KCNQ1: variants seen among roughly 807,000 people sequenced by gnomAD.
The protein encoded by KCNQ1 is potassium voltage-gated channel subfamily Q member 1.
In KCNQ1, 49 loss-of-function variants were observed where a neutral mutation model predicts 72.4. That is an observed-to-expected ratio of 0.68 (90% CI 0.54 to 0.86). The LOEUF (loss-of-function observed/expected upper bound fraction) is 0.86. Ranked by LOEUF, KCNQ1 falls within the 40% of genes least tolerant of loss-of-function variation. KCNQ1 has a pLI of 0.00. For synonymous variants in KCNQ1, 450 were observed against 412.6 expected (o/e 1.09, Z -1.10); for missense variants, 790 against 945.1 (o/e 0.84, Z 2.15).
intron 2 of KCNQ1, among the ~76,000 whole-genome samples, chr11:2,553,934 C>T (rs2133697954): frequency 6.6e-6 from 1 of 152,310 alleles, no homozygotes; most frequent in African/African-American, 2.4e-5. Context: ...CCAGGGTGGT[C>T]TTGAACTCCT....
Position 2,642,886 on chromosome 11 carries a change from A to T in KCNQ1, c.1394-19075A>T, listed in dbSNP as rs1187140954. The T allele has an allele frequency of 2.5e-6, 1 of 397,652 alleles. No homozygotes were observed. The highest frequency in any genetic ancestry group is 4.4e-6 in the Non-Finnish European group (1 of 225,658). 24.6% of individuals were successfully genotyped at this position (397,652 alleles called of 1,614,324 possible). A position where few individuals can be genotyped will look rare whatever the true frequency, so the allele number is the denominator to read the frequency against. On this transcript the variant is annotated intron_variant, in intron 10 of 15. Transcript: ENST00000155840. This position sits in a 1 kb window ranked among gnomAD's most constrained non-coding sequence, Gnocchi z 4.3. ...CTTCTATTTTCACTTGTTTCAGTAA[A>T]TTTTTTATTTCTGCCTTAATTTCTT...
intron 6 of KCNQ1, among the ~76,000 whole-genome samples, chr11:2,575,373 C>A (rs1304505603): frequency 2.0e-5 from 3 of 152,194 alleles, no homozygotes; most frequent in Non-Finnish European, 4.4e-5. Context: ...CTGGGCCCCC[C>A]ACCGCCCAGG....
Position 2,723,186 on chromosome 11 carries a change from T to C in KCNQ1, c.1515-45658T>C, listed in dbSNP as rs1008366400. On this transcript the variant is annotated intron_variant, in intron 11 of 15. Coordinates refer to ENST00000155840, the MANE Select transcript of KCNQ1 (RefSeq NM_000218.3). The surrounding 1 kb of genome is among the most constrained non-coding windows in gnomAD (Gnocchi z 4.2). ...CCGTGGTGGCCTGAGAGGGGTGTGGTGCTGCTTGTCCGTGGTGCTCCACAC... is the reference window on the plus strand; with the variant it reads ...CCGTGGTGGCCTGAGAGGGGTGTGGCGCTGCTTGTCCGTGGTGCTCCACAC... Among the ~76,000 whole-genome samples the C allele has an allele frequency of 6.6e-6, 1 of 152,224 alleles. No individual in the cohort carries two copies. The highest frequency in any genetic ancestry group is 2.4e-5 in the African/African-American group (1 of 41,456).
chr11:2,460,192 A>G (rs1846254447), intron 1 of KCNQ1, among the ~76,000 whole-genome samples: 1 of 152,102 alleles, frequency 6.6e-6, no homozygotes, highest in South Asian at 2.1e-4. Flanking sequence ...AGCTGGGGGC[A>G]GGACTCCGGG....
rs559703771 is a variant in KCNQ1, at chr11:2,482,335, C to T, written c.386+36851C>T. ...GCAGACATGTCTCACATCTGTTCTT[C>T]CTCCAAATGTGACCTTTCAATGGCT... On this transcript the variant is annotated intron_variant, in intron 1 of 15. Coordinates refer to ENST00000155840, the MANE Select transcript of KCNQ1 (RefSeq NM_000218.3). This position sits in a 1 kb window ranked among gnomAD's most constrained non-coding sequence, Gnocchi z 5.7. 1.7e-4 allele frequency among the ~76,000 whole-genome samples: 26 copies of T among 152,258 alleles called. No homozygotes were observed. In the South Asian group the frequency reaches 5.4e-3, roughly 32 times the overall value.
At chr11:2,790,049 G>C (rs759947999) in intron 15 of KCNQ1, among the ~76,000 whole-genome samples, 1 of 152,162 alleles carries the variant, frequency 6.6e-6, no homozygotes, top group South Asian at 2.1e-4. Context: ...GGACTTGGAG[G>C]GGATCATATC....
At chr11:2,688,882 G>C in intron 11 of KCNQ1, 1 of 399,020 alleles carries the variant, frequency 2.5e-6, no homozygotes, top group Non-Finnish European at 4.4e-6. Context: ...AGCAAGGTCA[G>C]GTTGGAAGCT....
Position 2,567,786 on chromosome 11 carries a change from A to G in KCNQ1, c.478-2842A>G, listed in dbSNP as rs1017545828. On this transcript the variant is annotated intron_variant, in intron 2 of 15. Coordinates refer to ENST00000155840, the MANE Select transcript of KCNQ1 (RefSeq NM_000218.3). The surrounding 1 kb of genome is among the most constrained non-coding windows in gnomAD (Gnocchi z 6.6). ...TTGTCCCACAGGCAGGAGTCCTGCC[A>G]TCTTCGAAGGCCAGCCCCTAAACAG... Among the ~76,000 whole-genome samples the G allele has an allele frequency of 1.3e-5, 2 of 152,226 alleles. No homozygotes were observed. The highest frequency in any genetic ancestry group is 2.4e-5 in the African/African-American group (1 of 41,454).
chr11:2,770,515 G>A (rs755447836), intron 12 of KCNQ1, among the ~76,000 whole-genome samples: 82 of 152,302 alleles, frequency 5.4e-4, no homozygotes, highest in Non-Finnish European at 9.7e-4. Flanking sequence ...GGGGGGTTTC[G>A]CATGCACAGC....
At position 2,703,320 on chromosome 11, in the gene KCNQ1, G is replaced by A. The variant is rs1405040616; in HGVS notation, c.1514+41239G>A. On this transcript the variant is annotated intron_variant, in intron 11 of 15. Coordinates refer to ENST00000155840, the MANE Select transcript of KCNQ1 (RefSeq NM_000218.3). The surrounding 1 kb of genome is among the most constrained non-coding windows in gnomAD (Gnocchi z 6.4). ...GTGAGACAGAGAGCCTGGGCACCTG[G>A]TGGCCACTCCCTGAGCTCCCCACGT... Among the ~76,000 whole-genome samples the A allele has an allele frequency of 1.3e-5, 2 of 152,176 alleles. No individual in the cohort carries two copies. The highest frequency in any genetic ancestry group is 2.9e-5 in the Non-Finnish European group (2 of 68,026).
At chr11:2,583,613 C>A in intron 7 of KCNQ1, 68 bp downstream of exon 7, 2 of 1,083,714 alleles carry the variant, frequency 1.8e-6, no homozygotes, top group Non-Finnish European at 2.9e-6. Context: ...GGCTGCACGC[C>A]CCTCCCTGTG....
At chr11:2,814,380 TGGAG>T (rs949839786) in intron 15 of KCNQ1, among the ~76,000 whole-genome samples, 21 of 147,842 alleles carry the variant, frequency 1.4e-4, no homozygotes, top group African/African-American at 5.1e-4. Flanking sequence ...GATAGATAAA[TGGAG>T]GGAAGGAGAG....
rs1205859326 is a variant in KCNQ1, at chr11:2,664,927, G to A, written c.1514+2846G>A. 2.5e-6 allele frequency: 1 copy of A among 398,462 alleles called. No homozygotes were observed. Among genetic ancestry groups the A allele is most frequent in the African/African-American group, 2.1e-5 (1 of 48,600 alleles). 24.7% of individuals were successfully genotyped at this position (398,462 alleles called of 1,614,324 possible). On this transcript the variant is annotated intron_variant, in intron 11 of 15. Coordinates refer to ENST00000155840, the MANE Select transcript of KCNQ1 (RefSeq NM_000218.3). The surrounding 1 kb of genome is among the most constrained non-coding windows in gnomAD (Gnocchi z 5.1). ...CATCTCGAGCTCTCCCCGCCCGCAG[G>A]GCCCCAGAGAGGTGAGGTCACTATA...
At chr11:2,791,786 C>CGCCGT (rs1847029491) in intron 15 of KCNQ1, among the ~76,000 whole-genome samples, 1 of 64,770 alleles carries the variant, frequency 1.5e-5, no homozygotes, top group African/African-American at 5.6e-5. Context: ...CCCAGGTCCT[C>CGCCGT]GCCGCGCCGC....
chr11:2,612,919 T>C lies in KCNQ1; in HGVS notation c.1393+24065T>C. The C allele has an allele frequency of 2.5e-6, 1 of 398,638 alleles. No individual in the cohort carries two copies. The highest frequency in any genetic ancestry group is 4.4e-6 in the Non-Finnish European group (1 of 226,052). 24.7% of individuals were successfully genotyped at this position (398,638 alleles called of 1,614,324 possible). A position where few individuals can be genotyped will look rare whatever the true frequency, so the allele number is the denominator to read the frequency against. ...ACTCATTTATTTGTTTGCTCGCTTGTGTATGCCTTCTCTGCATGGATTCTG... is the reference window on the plus strand; with the variant it reads ...ACTCATTTATTTGTTTGCTCGCTTGCGTATGCCTTCTCTGCATGGATTCTG... On this transcript the variant is annotated intron_variant, in intron 10 of 15. Coordinates refer to ENST00000155840, the MANE Select transcript of KCNQ1 (RefSeq NM_000218.3). This position sits in a 1 kb window ranked among gnomAD's most constrained non-coding sequence, Gnocchi z 5.5.
At chr11:2,675,656 C>T (rs1033350082) in intron 11 of KCNQ1, 1 of 398,564 alleles carries the variant, frequency 2.5e-6, no homozygotes, top group Admixed American at 4.4e-5. Flanking sequence ...TCTCTAGGAG[C>T]CCGCCCAGGG....
rs971024439 is a variant in KCNQ1 at position 2,772,091 on chromosome 11, G to A, written c.1590+3172G>A. Among the ~76,000 whole-genome samples, 2 of 152,164 alleles carry A rather than the reference G, an allele frequency of 1.3e-5. No homozygotes were observed. The highest frequency in any genetic ancestry group is 2.9e-5 in the Non-Finnish European group (2 of 68,020). ...CTCACCAGCTGGCTCTTATTGCTGG[G>A]AGCAGCATGGAGGGGTGGGGCCAGG... On this transcript the variant is annotated intron_variant, in intron 12 of 15. Coordinates refer to ENST00000155840, the MANE Select transcript of KCNQ1 (RefSeq NM_000218.3). The surrounding 1 kb of genome is among the most constrained non-coding windows in gnomAD (Gnocchi z 6.6).
chr11:2,718,688 A>G (rs144956998), intron 11 of KCNQ1, among the ~76,000 whole-genome samples: 1 of 152,230 alleles, frequency 6.6e-6, no homozygotes, highest in African/African-American at 2.4e-5. Context: ...AGGGCCACTT[A>G]TATCTGTCAG....
intron 7 of KCNQ1, among the ~76,000 whole-genome samples, chr11:2,584,577 TTG>T (rs571840163): frequency 6.8e-6 from 1 of 146,358 alleles, no homozygotes; most frequent in Non-Finnish European, 1.5e-5. Flanking sequence ...GTGTTAGTGT[TTG>T]TGTGTGTTTG....
Sources: allele counts gnomAD v4.1 joint callset (sites outside exome capture counted in the v4.1 genomes callset), GRCh38; gene constraint gnomAD v4.1.1; non-coding constraint Gnocchi (gnomAD v3.1); transcripts MANE v1.5; gene names NCBI Gene and HGNC (gene_info 2026-07-23, HGNC 2026-07-21).